SNX7: variants seen among roughly 807,000 people sequenced by gnomAD.
The protein encoded by SNX7 is sorting nexin-7.
A neutral mutation model predicts 48.4 loss-of-function variants in SNX7; 35 were observed. The ratio of observed to expected loss-of-function variants is 0.72; its 90% CI spans 0.55 to 0.96. The LOEUF is 0.96. Among genes scored for constraint, SNX7 ranks in the 40% least tolerant of loss-of-function variants. SNX7 has a pLI of 0.00. For synonymous variants in SNX7, 190 were observed against 190.2 expected (o/e 1.00, Z 0.01); for missense variants, 553 against 548.9 (o/e 1.01, Z -0.07).
intron 1 of SNX7, among the ~76,000 whole-genome samples, chr1:98,673,919 T>G (rs1307324003): frequency 6.6e-6 from 1 of 152,228 alleles, no homozygotes; most frequent in Non-Finnish European, 1.5e-5. Context: ...TATATAAGAT[T>G]AATATTTTGT....
rs78116991 is a variant in SNX7, at chr1:98,746,381, A to G, written c.1278+7992A>G. On this transcript the variant is annotated intron_variant, in intron 8 of 8. Coordinates refer to ENST00000306121, the MANE Select transcript of SNX7 (RefSeq NM_015976.5). Reference sequence around the variant, plus strand: ...CTTGATAGCCAGATTACTCCCATTTAGGTTATACTGTTTCATTTTGTTGGA... The same window carrying G: ...CTTGATAGCCAGATTACTCCCATTTGGGTTATACTGTTTCATTTTGTTGGA... Among the ~76,000 whole-genome samples the G allele has an allele frequency of 3.3e-5, 5 of 152,174 alleles. No homozygotes were observed. In the East Asian group the frequency reaches 5.8e-4, roughly 18 times the overall value.
At chr1:98,682,576 C>T (rs1195198353) in intron 1 of SNX7, among the ~76,000 whole-genome samples, 1 of 152,132 alleles carries the variant, frequency 6.6e-6, no homozygotes, top group Non-Finnish European at 1.5e-5. Context: ...ACTTTTCTCT[C>T]AAAATTTTGA....
chr1:98,726,847 T>G (rs1653200799), intron 7 of SNX7, among the ~76,000 whole-genome samples: 1 of 152,176 alleles, frequency 6.6e-6, no homozygotes, highest in Non-Finnish European at 1.5e-5. Flanking sequence ...GGACCTTCCC[T>G]CTCATATTCA....
chr1:98,687,539 G>A (rs534235899), intron 2 of SNX7, among the ~76,000 whole-genome samples: 9 of 151,984 alleles, frequency 5.9e-5, no homozygotes, highest in South Asian at 2.1e-4. Flanking sequence ...TGAGTACCCC[G>A]TTTGTCCCAA....
In SNX7 at chr1:98,760,113, C is replaced by T. The variant is rs903318654; in HGVS notation, c.1338C>T (p.Ala446=). The part of the protein sequence containing the change: ...TSQTNLHLEE[A]SEDKP ...AGACCAACCTTCACTTGGAAGAAGCCTCTGAAGATAAACCTTAATCCCATT... is the reference window on the plus strand; with the variant it reads ...AGACCAACCTTCACTTGGAAGAAGCTTCTGAAGATAAACCTTAATCCCATT... The change falls in exon 9 of 9, where the codon GCC becomes GCT. Residue 446 remains alanine (A), a synonymous_variant. Coordinates refer to ENST00000306121, the MANE Select transcript of SNX7 (RefSeq NM_015976.5). The T allele has an allele frequency of 6.2e-7, 1 of 1,608,904 alleles. No homozygotes were observed. Among genetic ancestry groups the T allele is most frequent in the African/African-American group, 1.3e-5 (1 of 74,704 alleles).
At chr1:98,693,189 GAT>G (rs1314801363) in intron 4 of SNX7, among the ~76,000 whole-genome samples, 467 of 152,176 alleles carry the variant, frequency 3.1e-3, no homozygotes, top group Middle Eastern at 6.8e-3. Flanking sequence ...TGGATGGATG[GAT>G]GGATGGATGG....
chr1:98,755,128 C>T (rs1018942710), intron 8 of SNX7, among the ~76,000 whole-genome samples: 14 of 152,082 alleles, frequency 9.2e-5, no homozygotes, highest in African/African-American at 3.4e-4. Flanking sequence ...CTTTCTGGTA[C>T]TGATTTATAA....
At chr1:98,730,210 C>T (rs1653434057) in intron 7 of SNX7, among the ~76,000 whole-genome samples, 1 of 148,006 alleles carries the variant, frequency 6.8e-6, no homozygotes, top group South Asian at 2.2e-4. Flanking sequence ...AATTCAACAT[C>T]CCTTCATGTT....
chr1:98,733,440 A>G (rs993760504), intron 7 of SNX7, among the ~76,000 whole-genome samples: 1 of 152,090 alleles, frequency 6.6e-6, no homozygotes, highest in Non-Finnish European at 1.5e-5. Context: ...GTCCTCTGTG[A>G]AAAGACGAAC....
At chr1:98,748,853 C>A (rs890507141) in intron 8 of SNX7, among the ~76,000 whole-genome samples, 3 of 152,088 alleles carry the variant, frequency 2.0e-5, no homozygotes, top group African/African-American at 7.2e-5. Flanking sequence ...CATTCACATA[C>A]ACCCCTTACA....
chr1:98,741,852 T>A (rs1375384828), intron 8 of SNX7, among the ~76,000 whole-genome samples: 1 of 152,164 alleles, frequency 6.6e-6, no homozygotes, highest in Non-Finnish European at 1.5e-5. Context: ...CTGGCTGATC[T>A]TATGAACTGG....
At chr1:98,753,026 T>C (rs1654662285) in intron 8 of SNX7, among the ~76,000 whole-genome samples, 1 of 152,052 alleles carries the variant, frequency 6.6e-6, no homozygotes, top group Non-Finnish European at 1.5e-5. Flanking sequence ...AATACTGGCA[T>C]ACAATTTACG....
intron 1 of SNX7, among the ~76,000 whole-genome samples, chr1:98,682,088 GTCCTTCTTTTACTTCC>G: frequency 1.2e-5 from 1 of 81,984 alleles, no homozygotes; most frequent in East Asian, 3.1e-4. Flanking sequence ...TCCTTTTTTT[GTCCTTCTTTTACTTCC>G]TTTTTTTAAT....
At chr1:98,758,471 A>G (rs918875378) in intron 8 of SNX7, among the ~76,000 whole-genome samples, 1 of 152,030 alleles carries the variant, frequency 6.6e-6, no homozygotes, top group Non-Finnish European at 1.5e-5. Flanking sequence ...AGGAGCTACA[A>G]TATCATAAAG....
intron 7 of SNX7, among the ~76,000 whole-genome samples, chr1:98,731,845 C>T (rs746913204): frequency 2.0e-5 from 3 of 152,114 alleles, no homozygotes; most frequent in Non-Finnish European, 4.4e-5. Flanking sequence ...TTATGTGGCA[C>T]ATGACTCTAC....
rs552441123 is a variant in SNX7 at position 98,697,430 on chromosome 1, G to A, written c.839-1276G>A. Among the ~76,000 whole-genome samples, 34 of 152,098 alleles carry A rather than the reference G, an allele frequency of 2.2e-4. No individual in the cohort carries two copies. In the East Asian group the frequency reaches 6.4e-3, roughly 29 times the overall value. ...TAATTTGATTGTATTTATATGGATA[G>A]TGAACAAAAAACGGTCACTGCTTAT... On this transcript the variant is annotated intron_variant, in intron 5 of 8. Transcript: ENST00000306121.
At chr1:98,672,816 C>CGG (rs1553196753) in intron 1 of SNX7, among the ~76,000 whole-genome samples, 1 of 144,854 alleles carries the variant, frequency 6.9e-6, no homozygotes, top group Non-Finnish European at 1.5e-5. Flanking sequence ...CCCAGCTACT[C>CGG]GGGAGGCTGA....
chr1:98,713,711 T>G (rs2100994637), intron 7 of SNX7, among the ~76,000 whole-genome samples: 1 of 152,288 alleles, frequency 6.6e-6, no homozygotes, highest in African/African-American at 2.4e-5. Flanking sequence ...ATTTCAATAT[T>G]ATTGTCTCTC....
chr1:98,670,808 A>G (rs1365381297), intron 1 of SNX7, among the ~76,000 whole-genome samples: 1 of 152,104 alleles, frequency 6.6e-6, no homozygotes, highest in Non-Finnish European at 1.5e-5. Context: ...TAAACAAAGA[A>G]AAAAAAATTA....
Sources: gnomAD v4.1 joint callset for allele counts (sites outside exome capture counted in the v4.1 genomes callset) on GRCh38, gnomAD v4.1.1 for gene constraint, MANE v1.5 for transcripts, NCBI Gene and HGNC (gene_info 2026-07-23, HGNC 2026-07-21) for gene names.